EXOC6B: variants seen among roughly 807,000 people sequenced by gnomAD.
EXOC6B encodes the protein exocyst complex component 6B, also known as SEC15 homolog B.
EXOC6B carries 54 observed loss-of-function variants against 113.5 expected under a neutral mutation model. The ratio of observed to expected loss-of-function variants is 0.48; its 90% CI spans 0.38 to 0.60. EXOC6B has a LOEUF of 0.60. Among genes scored for constraint, EXOC6B ranks in the 20% least tolerant of loss-of-function variants. EXOC6B has a pLI of 0.00. For missense variants in EXOC6B, 797 were observed against 977.5 expected (o/e 0.82, Z 2.46); for synonymous variants, 357 against 339.0 (o/e 1.05, Z -0.58).
intron 20 of EXOC6B, among the ~76,000 whole-genome samples, chr2:72,189,791 T>TCCTTC (rs1309768415): frequency 6.8e-6 from 1 of 147,428 alleles, no homozygotes; most frequent in East Asian, 2.0e-4. Context: ...TCCTTTCCTT[T>TCCTTC]CCTTCCTTCT....
intron 6 of EXOC6B, among the ~76,000 whole-genome samples, chr2:72,606,874 G>A (rs1414984343): frequency 6.6e-6 from 1 of 151,986 alleles, no homozygotes; most frequent in Non-Finnish European, 1.5e-5. Flanking sequence ...GCCTCCCAAA[G>A]TGCTGGGATT....
chr2:72,203,302 A>G (rs1679609990), intron 20 of EXOC6B, among the ~76,000 whole-genome samples: 1 of 152,234 alleles, frequency 6.6e-6, no homozygotes, highest in African/African-American at 2.4e-5. Context: ...AGCCTATCTT[A>G]AATTATGAAT....
chr2:72,695,481 T>G (rs1445352248), intron 6 of EXOC6B, among the ~76,000 whole-genome samples: 2 of 152,226 alleles, frequency 1.3e-5, no homozygotes, highest in Non-Finnish European at 2.9e-5. Context: ...CTTTAAGGTT[T>G]TTTTTTGAAC....
chr2:72,727,458 A>G (rs967095658), intron 5 of EXOC6B, among the ~76,000 whole-genome samples: 1 of 152,166 alleles, frequency 6.6e-6, no homozygotes, highest in African/African-American at 2.4e-5. Flanking sequence ...GACTAAAGAG[A>G]CATGACAACT....
At chr2:72,223,566 T>C (rs1316231930) in intron 20 of EXOC6B, among the ~76,000 whole-genome samples, 1 of 152,212 alleles carries the variant, frequency 6.6e-6, no homozygotes, top group Non-Finnish European at 1.5e-5. Flanking sequence ...GTATATATCA[T>C]CTAATGAAAA....
At chr2:72,782,360 T>A (rs1210340214) in intron 1 of EXOC6B, among the ~76,000 whole-genome samples, 1 of 152,142 alleles carries the variant, frequency 6.6e-6, no homozygotes, top group Non-Finnish European at 1.5e-5. Flanking sequence ...CTTTTTGGCT[T>A]AGATTTACCT....
chr2:72,662,498 AT>A (rs1410479172), intron 6 of EXOC6B, among the ~76,000 whole-genome samples: 1 of 152,212 alleles, frequency 6.6e-6, no homozygotes, highest in African/African-American at 2.4e-5. Context: ...AGTGGGAAAA[AT>A]GTTTGAATAG....
At chr2:72,605,072 C>T (rs149164319) in intron 6 of EXOC6B, among the ~76,000 whole-genome samples, 2 of 151,964 alleles carry the variant, frequency 1.3e-5, no homozygotes, top group African/African-American at 2.4e-5. Flanking sequence ...ATTATGAGGT[C>T]GGGAGTTCAA....
intron 18 of EXOC6B, among the ~76,000 whole-genome samples, chr2:72,423,370 G>T (rs1695021941): frequency 6.6e-6 from 1 of 152,158 alleles, no homozygotes. Flanking sequence ...GTGAGACCAA[G>T]AACCCACCAA....
intron 1 of EXOC6B, among the ~76,000 whole-genome samples, chr2:72,779,260 C>A (rs1683889037): frequency 2.0e-5 from 3 of 151,720 alleles, no homozygotes; most frequent in Non-Finnish European, 1.5e-5. Context: ...GAATCCCACA[C>A]TCATCCATTT....
At chr2:72,625,775 C>A (rs1394260784) in intron 6 of EXOC6B, among the ~76,000 whole-genome samples, 2 of 152,150 alleles carry the variant, frequency 1.3e-5, no homozygotes, top group African/African-American at 4.8e-5. Context: ...CCTTCTAGTG[C>A]TACAAGACCA....
intron 20 of EXOC6B, among the ~76,000 whole-genome samples, chr2:72,288,380 G>A (rs996407103): frequency 1.3e-5 from 2 of 151,998 alleles, no homozygotes; most frequent in African/African-American, 4.8e-5. Context: ...ACTGTTCACA[G>A]CAGCACTATT....
chr2:72,506,269 T>C (rs966908457), intron 11 of EXOC6B, among the ~76,000 whole-genome samples: 1 of 152,132 alleles, frequency 6.6e-6, no homozygotes, highest in African/African-American at 2.4e-5. Context: ...AAGAACAAAA[T>C]TGAAGATAAA....
chr2:72,184,751 G>A (rs754586126), intron 20 of EXOC6B, among the ~76,000 whole-genome samples: 1 of 152,168 alleles, frequency 6.6e-6, no homozygotes, highest in Non-Finnish European at 1.5e-5. Context: ...AGGACACACA[G>A]ATAACACAGA....
chr2:72,460,598 C>A lies in EXOC6B; in HGVS notation c.1980+4562G>T, dbSNP rs540941231. Among the ~76,000 whole-genome samples, 194 of 152,150 alleles carry A rather than the reference C, an allele frequency of 1.3e-3. 1 individual carries two copies. Among genetic ancestry groups the A allele is most frequent in the Non-Finnish European group, 1.6e-3 (112 of 68,026 alleles). On this transcript the variant is annotated intron_variant, in intron 18 of 21. Transcript: ENST00000272427. Reference sequence around the variant, plus strand: ...AAGACATTTATGCAGCCAGAAAACACATGAAAAAATGCTCACCATCACTGG... The same window carrying A: ...AAGACATTTATGCAGCCAGAAAACAAATGAAAAAATGCTCACCATCACTGG...
intron 18 of EXOC6B, among the ~76,000 whole-genome samples, chr2:72,386,238 A>G (rs2105091219): frequency 6.6e-6 from 1 of 152,270 alleles, no homozygotes; most frequent in Admixed American, 6.5e-5. Flanking sequence ...GTAAAACAGG[A>G]ACTTATATTT....
chr2:72,398,259 C>A lies in EXOC6B; in HGVS notation c.1981-18389G>T, dbSNP rs551910159. ...AGTCTTTTCTGGCCTTTGGACCCAA[C>A]TAAAGCATCAGCTCTTCGTGGGTTT... On this transcript the variant is annotated intron_variant, in intron 18 of 21. Coordinates refer to ENST00000272427, the MANE Select transcript of EXOC6B (RefSeq NM_015189.3). 3.3e-5 allele frequency among the ~76,000 whole-genome samples: 5 copies of A among 152,298 alleles called. No homozygotes were observed. In the East Asian group the frequency reaches 5.8e-4, roughly 18 times the overall value.
At chr2:72,790,016 C>T (rs528426200) in intron 1 of EXOC6B, among the ~76,000 whole-genome samples, 1 of 152,180 alleles carries the variant, frequency 6.6e-6, no homozygotes, top group South Asian at 2.1e-4. Flanking sequence ...ACCAATTTAC[C>T]TGGATGCTCA....
At chr2:72,203,760 G>A (rs1382984186) in intron 20 of EXOC6B, among the ~76,000 whole-genome samples, 3 of 152,148 alleles carry the variant, frequency 2.0e-5, no homozygotes, top group Admixed American at 6.5e-5. Flanking sequence ...GTACAACAGA[G>A]GTATTTCCCC....
Sources: allele counts gnomAD v4.1 joint callset (sites outside exome capture counted in the v4.1 genomes callset), GRCh38; gene constraint gnomAD v4.1.1; transcripts MANE v1.5; gene names NCBI Gene and HGNC (gene_info 2026-07-23, HGNC 2026-07-21).